DPRX: variants seen among roughly 807,000 people sequenced by gnomAD.
The protein encoded by DPRX is divergent-paired related homeobox.
A neutral mutation model predicts 8.4 loss-of-function variants in DPRX; 11 were observed. The observed-to-expected ratio is 1.31, with a 90% CI of 0.82 to 2.17. The LOEUF (loss-of-function observed/expected upper bound fraction) is 2.17, where lower values mean the gene tolerates loss of function less well. Among genes scored for constraint, DPRX ranks in the 30% most tolerant of loss-of-function variants. The pLI is 0.00. For missense variants in DPRX, 211 were observed against 236.7 expected (o/e 0.89, Z 0.71); for synonymous variants, 72 against 87.0 (o/e 0.83, Z 0.96).
chr19:53,634,464 A>G (rs972971168), intron 1 of DPRX, 67 bp from the exon 2 acceptor site: 2 of 1,545,608 alleles, frequency 1.3e-6, no homozygotes, highest in African/African-American at 2.8e-5. Context: ...AAGGAAAGGA[A>G]AGCTCAGGCT....
chr19:53,636,407 A>AT (rs2091112359), intron 2 of DPRX, among the ~76,000 whole-genome samples, 189 bp from the exon 3 acceptor site: 1 of 147,998 alleles, frequency 6.8e-6, no homozygotes, highest in African/African-American at 2.5e-5. Flanking sequence ...AAATAAATAA[A>AT]TATTAGGAGA....
chr19:53,615,255 A>T, the DPRX span, among the ~76,000 whole-genome samples: 2 of 151,524 alleles, frequency 1.3e-5, no homozygotes, highest in African/African-American at 4.8e-5. Context: ...TATAGGCATG[A>T]GCTACTGTGT....
chr19:53,631,984 G>A (rs998434092), upstream of DPRX: 2 of 1,342,856 alleles, frequency 1.5e-6, no homozygotes, highest in Non-Finnish European at 2.1e-6. Context: ...GGCAGATAGG[G>A]CAGAGAAAGG....
chr19:53,628,477 T>G (rs2091079213), upstream of DPRX, among the ~76,000 whole-genome samples: 1 of 152,180 alleles, frequency 6.6e-6, no homozygotes, highest in Admixed American at 6.6e-5. Flanking sequence ...TCTCTAACTG[T>G]GGTGACATAC....
the DPRX span, chr19:53,617,342 T>C: frequency 1.9e-6 from 1 of 537,208 alleles, no homozygotes. Flanking sequence ...GCGGATTATC[T>C]GAGGTCAGGA....
the DPRX span, among the ~76,000 whole-genome samples, chr19:53,625,392 C>T: frequency 1.3e-5 from 2 of 152,054 alleles, no homozygotes; most frequent in African/African-American, 4.8e-5. Context: ...TGATAATGAG[C>T]TCAGCTTTCA....
chr19:53,620,692 T>C, the DPRX span, among the ~76,000 whole-genome samples: 1 of 151,616 alleles, frequency 6.6e-6, no homozygotes, highest in Admixed American at 6.6e-5. Context: ...TTAAATTTTT[T>C]GTTATTGTTG....
chr19:53,602,446 G>A, the DPRX span, among the ~76,000 whole-genome samples: 4 of 150,848 alleles, frequency 2.7e-5, no homozygotes, highest in Non-Finnish European at 5.9e-5. Flanking sequence ...TGCAACCTCT[G>A]CCTCCTGGGT....
chr19:53,634,780 C>T (rs2091106070), intron 2 of DPRX, 95 bp downstream of exon 2: 14 of 1,466,876 alleles, frequency 9.5e-6, no homozygotes, highest in East Asian at 6.9e-5. Flanking sequence ...TCATTCCAAT[C>T]GCCAATATTC....
the DPRX span, chr19:53,601,290 G>A: frequency 2.2e-6 from 1 of 456,324 alleles, no homozygotes; most frequent in East Asian, 7.0e-5. Flanking sequence ...CTCCACATTG[G>A]GCCCAGGTCT....
At chr19:53,607,404 A>G in the DPRX span, among the ~76,000 whole-genome samples, 1 of 151,962 alleles carries the variant, frequency 6.6e-6, no homozygotes, top group Non-Finnish European at 1.5e-5. Context: ...CAAAAATTTA[A>G]AAACTTAGCT....
chr19:53,618,598 T>C, the DPRX span, among the ~76,000 whole-genome samples: 2 of 111,516 alleles, frequency 1.8e-5, no homozygotes, highest in Admixed American at 1.1e-4. Flanking sequence ...CTGGGCAACA[T>C]AGCAAGACCC....
chr19:53,631,046 C>T (rs2091090652), upstream of DPRX, among the ~76,000 whole-genome samples: 2 of 151,922 alleles, frequency 1.3e-5, no homozygotes, highest in African/African-American at 4.8e-5. Context: ...GGGGTTTCGC[C>T]ATGTTGGCCA....
At chr19:53,634,623 C>A in exon 2 of DPRX, 2 of 1,613,990 alleles carry the variant, frequency 1.2e-6, no homozygotes, top group Non-Finnish European at 1.7e-6. Context: ...GAACCCATAC[C>A]CAAACCCCAG....
the DPRX span, among the ~76,000 whole-genome samples, chr19:53,610,519 G>A: frequency 7.2e-5 from 11 of 152,268 alleles, no homozygotes; most frequent in South Asian, 2.3e-3. Flanking sequence ...ACCACCCTAA[G>A]TGAAATATTG....
At chr19:53,623,145 A>G in the DPRX span, among the ~76,000 whole-genome samples, 1 of 151,526 alleles carries the variant, frequency 6.6e-6, no homozygotes, top group African/African-American at 2.4e-5. Flanking sequence ...ATCTACCAAA[A>G]ATACAAAAAA....
At chr19:53,607,949 G>A in the DPRX span, among the ~76,000 whole-genome samples, 3 of 151,764 alleles carry the variant, frequency 2.0e-5, no homozygotes, top group Non-Finnish European at 4.4e-5. Context: ...GAGGTGGACA[G>A]ATCAATGGAG....
chr19:53,619,589 C>T, the DPRX span, among the ~76,000 whole-genome samples: 3 of 151,574 alleles, frequency 2.0e-5, no homozygotes, highest in Admixed American at 1.3e-4. Context: ...GCAGGAGAAT[C>T]ACTTGAACCT....
chr19:53,609,458 C>G, the DPRX span, among the ~76,000 whole-genome samples: 1 of 92,220 alleles, frequency 1.1e-5, no homozygotes, highest in Non-Finnish European at 1.9e-5. Context: ...CAGAGCGAGA[C>G]TCGGTCTCAA....
Sources: allele counts gnomAD v4.1 joint callset (sites outside exome capture counted in the v4.1 genomes callset), GRCh38; gene constraint gnomAD v4.1.1; transcripts MANE v1.5; gene names NCBI Gene and HGNC (gene_info 2026-07-23, HGNC 2026-07-21).